The following FIG4 variants were observed in gnomAD, a reference collection of about 807,000 sequenced individuals.
FIG4 encodes FIG4 phosphoinositide 5-phosphatase.
FIG4 carries 112 observed loss-of-function variants against 118.6 expected under a neutral mutation model. The ratio of observed to expected loss-of-function variants is 0.94; its 90% CI spans 0.81 to 1.11. The LOEUF (loss-of-function observed/expected upper bound fraction) is 1.11, where lower values mean the gene tolerates loss of function less well. Among genes scored for constraint, FIG4 ranks in the 50% least tolerant of loss-of-function variants. The pLI is 0.00. For synonymous variants in FIG4, 369 were observed against 381.2 expected (o/e 0.97, Z 0.37); for missense variants, 969 against 1,111.7 (o/e 0.87, Z 1.83).
intron 1 of FIG4, among the ~76,000 whole-genome samples, chr6:109,713,192 G>A (rs959696544): frequency 6.6e-6 from 1 of 152,196 alleles, no homozygotes; most frequent in African/African-American, 2.4e-5. Context: ...GGTGGCGGTG[G>A]GATATGTCCT....
chr6:109,807,744 T>C (rs764640373), intron 22 of FIG4, among the ~76,000 whole-genome samples: 4 of 152,228 alleles, frequency 2.6e-5, no homozygotes, highest in Non-Finnish European at 5.9e-5. Flanking sequence ...GTTTTAGGTC[T>C]TATGTTTAAG....
chr6:109,727,231 G>T lies in FIG4; in HGVS notation c.412G>T (p.Asp138Tyr). The T allele has an allele frequency of 6.2e-7, 1 of 1,612,752 alleles. No homozygotes were observed. ...EDTNMIYIPNDSVRVTHPDEA... is the reference protein window; with the variant it reads ...EDTNMIYIPNYSVRVTHPDEA... ...TACAAATATGATCTATATACCCAAT[G>T]ATTCTGTACGGGTTACTCATCCTGA... Residue 138 changes from aspartate to tyrosine, a missense_variant, in exon 4 of 23, where the codon GAT becomes TAT. By Grantham distance (160) the Asp-to-Tyr change is radical (BLOSUM62 -3). This residue lies in a region of FIG4 where 393 missense variants were observed against 409.4 expected (regional missense o/e 0.96). Transcript: ENST00000230124.
At chr6:109,709,719 G>T (rs949033177) in intron 1 of FIG4, among the ~76,000 whole-genome samples, 2 of 151,990 alleles carry the variant, frequency 1.3e-5, no homozygotes, top group South Asian at 2.1e-4. Context: ...CTTTTTTGTG[G>T]CAATTGTGAA....
intron 22 of FIG4, among the ~76,000 whole-genome samples, chr6:109,823,419 T>C (rs796451210): frequency 2.6e-5 from 4 of 152,302 alleles, no homozygotes; most frequent in African/African-American, 9.6e-5. Flanking sequence ...TTTAATGCAA[T>C]TGAATGTAGT....
intron 15 of FIG4, among the ~76,000 whole-genome samples, chr6:109,768,351 G>C (rs1331460252): frequency 2.6e-5 from 4 of 152,132 alleles, no homozygotes; most frequent in African/African-American, 9.7e-5. Flanking sequence ...ATCTGGGAAA[G>C]CATCCATCAG....
chr6:109,703,067 ATTAC>A (rs1476126556), intron 1 of FIG4, among the ~76,000 whole-genome samples: 8 of 151,620 alleles, frequency 5.3e-5, no homozygotes, highest in African/African-American at 1.9e-4. Flanking sequence ...ACTTCCTTTA[ATTAC>A]TTCATGAGAA....
intron 1 of FIG4, among the ~76,000 whole-genome samples, chr6:109,710,176 G>A (rs1463910992): frequency 1.3e-5 from 2 of 152,028 alleles, no homozygotes; most frequent in African/African-American, 2.4e-5. Flanking sequence ...AATGGATGTT[G>A]AATTTTATTG....
At chr6:109,807,080 G>A (rs1160232177) in intron 22 of FIG4, among the ~76,000 whole-genome samples, 1 of 152,204 alleles carries the variant, frequency 6.6e-6, no homozygotes, top group East Asian at 1.9e-4. Context: ...ATGTGTGCAT[G>A]TGTCTTTATA....
At chr6:109,763,608 T>C (rs183635930) in intron 12 of FIG4, among the ~76,000 whole-genome samples, 9 of 152,204 alleles carry the variant, frequency 5.9e-5, no homozygotes, top group African/African-American at 1.7e-4. Context: ...TTATTATTCA[T>C]GTGTATAGAG....
At chr6:109,756,322 G>T (rs1489888858) in intron 10 of FIG4, among the ~76,000 whole-genome samples, 1 of 152,184 alleles carries the variant, frequency 6.6e-6, no homozygotes, top group Non-Finnish European at 1.5e-5. Context: ...AGTCTGTTGG[G>T]CTTCCCTTTG....
chr6:109,729,875 A>C (rs892043018), intron 4 of FIG4, among the ~76,000 whole-genome samples: 3 of 152,098 alleles, frequency 2.0e-5, no homozygotes, highest in Admixed American at 6.6e-5. Context: ...AACGAACTAG[A>C]AAATGTATAA....
At chr6:109,711,694 A>G (rs1775269132) in intron 1 of FIG4, among the ~76,000 whole-genome samples, 2 of 152,134 alleles carry the variant, frequency 1.3e-5, no homozygotes, top group South Asian at 4.1e-4. Context: ...AAGACAGCAT[A>G]CTGATGGGTC....
chr6:109,775,905 A>G (rs1777603472), intron 15 of FIG4, among the ~76,000 whole-genome samples: 1 of 152,224 alleles, frequency 6.6e-6, no homozygotes, highest in Admixed American at 6.5e-5. Flanking sequence ...TTTCAGGTAT[A>G]TCTTGTTCGC....
At chr6:109,757,213 G>C (rs1238526930) in intron 10 of FIG4, among the ~76,000 whole-genome samples, 1 of 152,046 alleles carries the variant, frequency 6.6e-6, no homozygotes, top group African/African-American at 2.4e-5. Context: ...GTTCTGCTCT[G>C]ATCTTAGTTA....
intron 10 of FIG4, among the ~76,000 whole-genome samples, chr6:109,759,150 T>G (rs1777018700): frequency 6.6e-6 from 1 of 152,204 alleles, no homozygotes; most frequent in Non-Finnish European, 1.5e-5. Flanking sequence ...CATGCACACA[T>G]GTTTATTGCA....
intron 22 of FIG4, among the ~76,000 whole-genome samples, chr6:109,809,109 G>A (rs1778651629): frequency 6.6e-6 from 1 of 152,146 alleles, no homozygotes; most frequent in African/African-American, 2.4e-5. Context: ...AAATTTTGTT[G>A]TAGTATCAAA....
chr6:109,699,498 G>GT lies in FIG4; in HGVS notation c.66+8007dup, dbSNP rs562523768. ...CCTCATACGCGGTTTTTTTTTGTTT[G>GT]TTTTTTTTTTGTTTTTTTTTTTGAG... On this transcript the variant is annotated intron_variant, in intron 1 of 22. Coordinates refer to ENST00000230124, the MANE Select transcript of FIG4 (RefSeq NM_014845.6). Among the ~76,000 whole-genome samples the GT allele has an allele frequency of 3.7e-3, 503 of 136,140 alleles. 2 individuals carry two copies. The highest frequency in any genetic ancestry group is 0.036 in the South Asian group (152 of 4,240). The allele number at this position is 136,140 out of a possible 152,430, so 89.3% of individuals were successfully genotyped here.
At chr6:109,715,030 T>C in intron 1 of FIG4, 48 bp from the exon 2 acceptor site, 1 of 1,055,488 alleles carries the variant, frequency 9.5e-7, no homozygotes, top group Non-Finnish European at 1.5e-6. Flanking sequence ...AAAATGTGTA[T>C]AGGGCAAAAT....
intron 10 of FIG4, among the ~76,000 whole-genome samples, chr6:109,759,400 A>G (rs1260667549): frequency 6.6e-6 from 1 of 152,152 alleles, no homozygotes; most frequent in South Asian, 2.1e-4. Flanking sequence ...CATGTATCCC[A>G]TAACTTAAAG....
Sources: gnomAD v4.1 joint callset for allele counts (sites outside exome capture counted in the v4.1 genomes callset) on GRCh38, gnomAD v4.1.1 for gene constraint, gnomAD v4.1.1 regional missense constraint, MANE v1.5 for transcripts, NCBI Gene and HGNC (gene_info 2026-07-23, HGNC 2026-07-21) for gene names.